The following CC2D2A variants were observed in gnomAD, a reference collection of about 807,000 sequenced individuals.
The protein encoded by CC2D2A is coiled-coil and C2 domain-containing protein 2A.
Under a neutral mutation model 212.9 loss-of-function variants are expected in CC2D2A, and 155 were observed. The ratio of observed to expected loss-of-function variants is 0.73; its 90% CI spans 0.64 to 0.83. CC2D2A has a LOEUF of 0.83. Among genes scored for constraint, CC2D2A ranks in the 40% least tolerant of loss-of-function variants. CC2D2A has a pLI of 0.00. For missense variants in CC2D2A, 1,856 were observed against 1,956.2 expected, an observed-to-expected ratio of 0.95 and a Z score of 0.97; for synonymous variants, 667 against 686.5, an observed-to-expected ratio of 0.97 and a Z score of 0.44.
intron 11 of CC2D2A, among the ~76,000 whole-genome samples, chr4:15,525,806 T>C (rs528867672): frequency 2.0e-5 from 3 of 152,168 alleles, no homozygotes; most frequent in Non-Finnish European, 4.4e-5. Context: ...GGAGTTGTGG[T>C]CTTTTGGGCA....
chr4:15,554,562 G>C (rs548808440), intron 19 of CC2D2A, among the ~76,000 whole-genome samples: 16 of 152,378 alleles, frequency 1.1e-4, no homozygotes, highest in Non-Finnish European at 2.4e-4. Context: ...TGCAATCCCA[G>C]CTACTTGGGT....
intron 33 of CC2D2A, among the ~76,000 whole-genome samples, chr4:15,592,575 A>T (rs1721158457): frequency 6.6e-6 from 1 of 152,216 alleles, no homozygotes; most frequent in Non-Finnish European, 1.5e-5. Flanking sequence ...TAGTTTACTG[A>T]TAAAGGACAG....
At chr4:15,567,893 G>A (rs948903654) in intron 26 of CC2D2A, 107 bp downstream of exon 26, 40 of 742,392 alleles carry the variant, frequency 5.4e-5, no homozygotes, top group Middle Eastern at 2.3e-4. Flanking sequence ...GCTAGTGAGC[G>A]GCAACAAGAT....
chr4:15,587,206 T>C (rs537598480), intron 31 of CC2D2A, among the ~76,000 whole-genome samples: 34 of 152,332 alleles, frequency 2.2e-4, no homozygotes, highest in African/African-American at 7.7e-4. Context: ...CAATTCATAA[T>C]AGGGTTTGCA....
chr4:15,485,362 C>T (rs1714936838), intron 4 of CC2D2A, among the ~76,000 whole-genome samples: 2 of 152,148 alleles, frequency 1.3e-5, no homozygotes, highest in Admixed American at 1.3e-4. Flanking sequence ...AGCATGCTTT[C>T]TTTATCCATT....
At chr4:15,532,036 C>T (rs998892119) in intron 13 of CC2D2A, among the ~76,000 whole-genome samples, 1 of 152,090 alleles carries the variant, frequency 6.6e-6, no homozygotes, top group African/African-American at 2.4e-5. Flanking sequence ...CCTACCATAC[C>T]CATTTTACAG....
At chr4:15,486,688 C>G (rs1715019668) in intron 4 of CC2D2A, among the ~76,000 whole-genome samples, 1 of 151,862 alleles carries the variant, frequency 6.6e-6, no homozygotes. Context: ...TTTTCTTCTA[C>G]TAATTTCGAG....
At position 15,553,253 on chromosome 4, in the gene CC2D2A, A is replaced by C. The variant is rs1046105985; in HGVS notation, c.2434A>C (p.Asn812His). The C allele has an allele frequency of 6.2e-7, 1 of 1,613,456 alleles. No homozygotes were observed. Among genetic ancestry groups the C allele is most frequent in the Non-Finnish European group, 8.5e-7 (1 of 1,179,682 alleles). The part of the protein sequence containing the change: ...SHSVAWAIGE[N>H]GIPLIPPLSQ... ...TAGTGTGGCATGGGCCATTGGAGAA[A>C]ACGGGATACCTTTAATTCCTCCATT... Residue 812 changes from asparagine (N) to histidine (H), a missense_variant, in exon 19 of 37, where the codon AAC (asparagine) becomes CAC (histidine). Transcript: ENST00000424120.
intron 17 of CC2D2A, 98 bp downstream of exon 17, chr4:15,541,112 G>A: frequency 1.1e-6 from 1 of 929,932 alleles, no homozygotes; most frequent in Non-Finnish European, 1.5e-6. Context: ...AGGAGTTCGA[G>A]ACCAGCCTGG....
intron 4 of CC2D2A, chr4:15,481,095 G>T (rs935603070): frequency 2.1e-6 from 1 of 468,426 alleles, no homozygotes; most frequent in African/African-American, 2.0e-5. Context: ...AATGTTAGAG[G>T]TGGAGCCTAG....
chr4:15,593,071 T>C (rs553006306), intron 33 of CC2D2A, among the ~76,000 whole-genome samples: 2 of 152,206 alleles, frequency 1.3e-5, no homozygotes, highest in Admixed American at 6.5e-5. Context: ...AATAACTAAC[T>C]AAATAGTATC....
chr4:15,565,999 A>G (rs1345555028), intron 24 of CC2D2A, among the ~76,000 whole-genome samples: 1 of 152,160 alleles, frequency 6.6e-6, no homozygotes, highest in Non-Finnish European at 1.5e-5. Flanking sequence ...TGTTCCAATT[A>G]CCTTTGTCTG....
rs113836486 is a variant in CC2D2A, at chr4:15,567,314, T to C, written c.3183-63T>C. On this transcript the variant is annotated intron_variant, in intron 24 of 36. Transcript: ENST00000424120. ...CCCTATCTCAATAAATAAATAATTG[T>C]CTTCTCAATATATAATTAGACTTCC... The C allele has an allele frequency of 6.6e-6, 8 of 1,220,094 alleles. 1 individual carries two copies. The highest frequency in any genetic ancestry group is 1.5e-5 in the African/African-American group (1 of 66,530). The allele number at this position is 1,220,094 out of a possible 1,614,324, so 75.6% of individuals were successfully genotyped here.
intron 3 of CC2D2A, among the ~76,000 whole-genome samples, chr4:15,479,778 G>A (rs949721567): frequency 2.0e-5 from 3 of 152,220 alleles, no homozygotes; most frequent in African/African-American, 7.2e-5. Flanking sequence ...GGAGGCAGTA[G>A]ATGAAAAGGG....
chr4:15,572,044 C>T (rs1437221243), intron 28 of CC2D2A, among the ~76,000 whole-genome samples: 1 of 152,176 alleles, frequency 6.6e-6, no homozygotes, highest in Non-Finnish European at 1.5e-5. Context: ...ATATACTTCC[C>T]TGTAATTCCT....
intron 3 of CC2D2A, chr4:15,479,131 T>C: frequency 4.5e-6 from 4 of 897,754 alleles, no homozygotes; most frequent in Non-Finnish European, 7.1e-6. Flanking sequence ...GGCCATGGAC[T>C]ATGATGGGCA....
At chr4:15,527,329 T>A in intron 11 of CC2D2A, 118 bp from the exon 12 acceptor site, 1 of 626,688 alleles carries the variant, frequency 1.6e-6, no homozygotes, top group Non-Finnish European at 2.6e-6. Flanking sequence ...ATTTTTCACC[T>A]GACTAGTCCA....
chr4:15,553,222 G>A lies in CC2D2A; in HGVS notation c.2403G>A (p.Val801=). 1.2e-6 allele frequency: 2 copies of A among 1,612,914 alleles called. No homozygotes were observed. Among genetic ancestry groups the A allele is most frequent in the East Asian group, 2.2e-5 (1 of 44,822 alleles). Reference sequence around the variant, plus strand: ...TGACTCTGATGACCTCAGGGAAAGTGTCTCATAGTGTGGCATGGGCCATTG... The same window carrying A: ...TGACTCTGATGACCTCAGGGAAAGTATCTCATAGTGTGGCATGGGCCATTG... ...NQLTLMTSGK[V]SHSVAWAIGE... is the part of the protein sequence containing the mutation. The change falls in exon 19 of 37, where the codon GTG becomes GTA. Residue 801 remains valine (V), a synonymous_variant. Transcript: ENST00000424120.
At chr4:15,596,804 G>T (rs1721340602) in intron 34 of CC2D2A, among the ~76,000 whole-genome samples, 1 of 152,144 alleles carries the variant, frequency 6.6e-6, no homozygotes, top group African/African-American at 2.4e-5. Context: ...TAGGAGCATT[G>T]CTTGAAATAG....
Sources: allele counts gnomAD v4.1 joint callset (sites outside exome capture counted in the v4.1 genomes callset), GRCh38; gene constraint gnomAD v4.1.1; transcripts MANE v1.5; gene names NCBI Gene and HGNC (gene_info 2026-07-23, HGNC 2026-07-21).